Variants in LAMA5 observed in about 807,000 individuals in gnomAD.
The protein encoded by LAMA5 is laminin subunit alpha 5.
Under a neutral mutation model 433.4 loss-of-function variants are expected in LAMA5, and 260 were observed. That is an observed-to-expected ratio of 0.60 (90% CI 0.54 to 0.66). The LOEUF (loss-of-function observed/expected upper bound fraction) is 0.66. Ranked by LOEUF, LAMA5 falls within the 30% of genes least tolerant of loss-of-function variation. The pLI is 0.00. For synonymous variants in LAMA5, 2,620 were observed against 2,226.6 expected, an observed-to-expected ratio of 1.18 and a Z score of -4.97; for missense variants, 5,378 against 5,258.5, an observed-to-expected ratio of 1.02 and a Z score of -0.70.
In LAMA5 at chr20:62,317,142, G is replaced by C. The variant is rs1246767505; in HGVS notation, c.7512-119C>G. 3.9e-6 allele frequency: 5 copies of C among 1,284,478 alleles called. No individual in the cohort carries two copies. The African/African-American group carries it at 5.9e-5, about 15-fold the overall frequency. 79.6% of individuals were successfully genotyped at this position (1,284,478 alleles called of 1,614,324 possible). ...GCCTGCCCGCCAAGTCCCGCCTCCA[G>C]GTCTTTGCCCGTGCCTGTCGCCTGC... On this transcript the variant is annotated intron_variant, in intron 55 of 79. Coordinates refer to ENST00000252999, the MANE Select transcript of LAMA5 (RefSeq NM_005560.6).
intron 11 of LAMA5, chr20:62,342,329 G>T: frequency 2.7e-6 from 1 of 371,198 alleles, no homozygotes; most frequent in Non-Finnish European, 5.2e-6. Context: ...GTAGAAAATT[G>T]AATACAATAG....
intron 55 of LAMA5, 105 bp downstream of exon 55, chr20:62,317,240 C>A: frequency 1.5e-6 from 2 of 1,314,342 alleles, no homozygotes; most frequent in Non-Finnish European, 1.0e-6. Context: ...TCTTTGAGGA[C>A]AACGGCCTCA....
Position 62,333,151 on chromosome 20 carries a change from G to A in LAMA5, c.3221C>T (p.Pro1074Leu), listed in dbSNP as rs1310132817. The A allele has an allele frequency of 5.9e-6, 9 of 1,513,758 alleles. No individual in the cohort carries two copies. The highest frequency in any genetic ancestry group is 7.9e-6 in the Non-Finnish European group (9 of 1,133,658). 93.8% of individuals were successfully genotyped at this position (1,513,758 alleles called of 1,614,324 possible). A position where few individuals can be genotyped will look rare whatever the true frequency, so the allele number is the denominator to read the frequency against. Residue 1074 changes from proline (P) to leucine (L), a missense_variant, in exon 26 of 80, where the codon CCC becomes CTC. Coordinates refer to ENST00000252999, the MANE Select transcript of LAMA5 (RefSeq NM_005560.6). ...CGGGCTGAGCTGCTCCGTGGGGCAG[G>A]GCCGGGGCAGGCTGTTGTCCTGGCG... The part of the protein sequence containing the change: ...LCRQDNSLPR[P>L]CPTEQLSPSH...
At position 62,353,228 on chromosome 20, in the gene LAMA5, G is replaced by A. The variant is rs1356414306; in HGVS notation, c.474C>T (p.Leu158=). Residue 158 remains leucine (L), a synonymous_variant, in exon 3 of 80, where the codon CTC becomes CTT. Coordinates refer to ENST00000252999, the MANE Select transcript of LAMA5 (RefSeq NM_005560.6). The stretch of plus-strand genomic sequence containing the variant: ...GCCGGGGTGAGTTGGCAAACTTGAT[G>A]AGGACGTAGGCCACGTGGAAGACCT... ...LGQVFHVAYV[L]IKFANSPRPD... is the part of the protein sequence containing the mutation. The A allele has an allele frequency of 6.3e-7, 1 of 1,595,840 alleles. No individual in the cohort carries two copies. The highest frequency in any genetic ancestry group is 1.1e-5 in the South Asian group (1 of 88,106).
Position 62,310,323 on chromosome 20 carries a change from G to C in LAMA5, c.10601-12C>G, listed in dbSNP as rs560386755. 4 of 1,590,104 alleles carry C rather than the reference G, an allele frequency of 2.5e-6. No individual in the cohort carries two copies. Among genetic ancestry groups the C allele is most frequent in the Non-Finnish European group, 3.4e-6 (4 of 1,166,890 alleles). On this transcript the variant is annotated splice_polypyrimidine_tract_variant and intron_variant, in intron 76 of 79. Transcript: ENST00000252999. The stretch of plus-strand genomic sequence containing the variant: ...AGCTCCTGGGAGGTCTGCGGGGAGG[G>C]GTTGTGATGGAGAAGAAAGGGGGGG...
intron 32 of LAMA5, 43 bp downstream of exon 32, chr20:62,329,734 T>G: frequency 6.2e-7 from 1 of 1,607,898 alleles, no homozygotes; most frequent in Non-Finnish European, 8.5e-7. Flanking sequence ...ATGACAAGTA[T>G]AAGGACAGCT....
In LAMA5 at chr20:62,309,287, G is replaced by A. The variant is rs747052274; in HGVS notation, c.*49C>T. 8 of 1,574,228 alleles carry A rather than the reference G, an allele frequency of 5.1e-6. No homozygotes were observed. In the South Asian group the frequency reaches 7.9e-5, roughly 16 times the overall value. On this transcript the variant is annotated 3_prime_UTR_variant, in exon 80 of 80. Coordinates refer to ENST00000252999, the MANE Select transcript of LAMA5 (RefSeq NM_005560.6). Reference sequence around the variant, plus strand: ...ACCTATGAGGCGAGCACAAGGGGCGGTGTGAGGCAGCTGCAGGGGCCTGAC... The same window carrying A: ...ACCTATGAGGCGAGCACAAGGGGCGATGTGAGGCAGCTGCAGGGGCCTGAC...
rs772555060 is a variant in LAMA5 at position 62,336,691 on chromosome 20, G to A, written c.2217+43C>T. The A allele has an allele frequency of 3.9e-5, 63 of 1,606,966 alleles. 3 individuals are homozygous for A. The Middle Eastern group carries it at 9.9e-4, about 25-fold the overall frequency. On this transcript the variant is annotated intron_variant, in intron 17 of 79. Coordinates refer to ENST00000252999, the MANE Select transcript of LAMA5 (RefSeq NM_005560.6). ...GGACTCGGGACTTTTAGCTTGGCCT[G>A]GGTCCTCACCCATCTCCCACACACG...
rs149266561 is a variant in LAMA5, at chr20:62,324,566, C to T, written c.5530-12G>A. On this transcript the variant is annotated splice_polypyrimidine_tract_variant and intron_variant, in intron 41 of 79. Transcript: ENST00000252999. This position sits in a 1 kb window ranked among gnomAD's most constrained non-coding sequence, Gnocchi z 4.4. ...CCGGGGGCACATTCCTGAGGGTGTA[C>T]GGGGGCAGGTGGCATCAGCGATTGA... The T allele has an allele frequency of 2.2e-4, 351 of 1,589,810 alleles. 2 individuals are homozygous for T. In the East Asian group the frequency reaches 5.4e-3, roughly 25 times the overall value.
Position 62,316,740 on chromosome 20 carries a change from G to A in LAMA5, c.7687C>T (p.Gln2563Ter), listed in dbSNP as rs764161208. ...VVRQGLVDRA[Q>*]QLLANSTALE... ...GCAGTGCTGTTGGCCAGGAGCTGCT[G>A]GGCTCGGTCCACCAGGCCCTGCCGC... The change falls in exon 57 of 80, where the codon CAG becomes TAG. Residue 2563 changes from glutamine (Q) to a stop codon, truncating the protein, a stop_gained. Transcript: ENST00000252999. LOFTEE classifies it high-confidence loss of function. 4 of 1,608,932 alleles carry A rather than the reference G, an allele frequency of 2.5e-6. No homozygotes were observed. The highest frequency in any genetic ancestry group is 2.5e-6 in the Non-Finnish European group (3 of 1,177,914).
chr20:62,337,635 A>G lies in LAMA5; in HGVS notation c.2119T>C (p.Cys707Arg). ...TAGGCACCGGGCACACATGTGTCAC[A>G]CCGCAGCCCCGTCACACGGGGCCGG... ...SCRPRVTGLR[C>R]DTCVPGAYNF... is the part of the protein sequence containing the mutation. Residue 707 changes from cysteine (C) to arginine (R), a missense_variant, in exon 16 of 80, where the codon TGT (cysteine) becomes CGT (arginine). Physicochemically the swap from Cys to Arg is radical, Grantham distance 180. Coordinates refer to ENST00000252999, the MANE Select transcript of LAMA5 (RefSeq NM_005560.6). The G allele has an allele frequency of 3.1e-6, 5 of 1,612,126 alleles. No individual in the cohort carries two copies. The highest frequency in any genetic ancestry group is 4.2e-6 in the Non-Finnish European group (5 of 1,179,726).
At chr20:62,327,125 C>G (rs1979435760) in intron 38 of LAMA5, 108 bp downstream of exon 38, 1 of 1,196,584 alleles carries the variant, frequency 8.4e-7, no homozygotes, top group Non-Finnish European at 1.1e-6. Flanking sequence ...CCTCACGGAC[C>G]CCCATGGAGC....
intron 6 of LAMA5, 29 bp from the exon 7 acceptor site, chr20:62,347,057 G>A (rs1983508032): frequency 6.4e-7 from 1 of 1,561,412 alleles, no homozygotes; most frequent in Non-Finnish European, 8.8e-7. Flanking sequence ...GGGGGATCAG[G>A]CCCATCCTGG....
intron 2 of LAMA5, among the ~76,000 whole-genome samples, chr20:62,360,936 C>T (rs1361365379): frequency 6.6e-6 from 1 of 152,130 alleles, no homozygotes; most frequent in Non-Finnish European, 1.5e-5. Context: ...TCCCGGCTTC[C>T]CTGCCCCACC....
rs1265669908 is a variant in LAMA5 at position 62,310,691 on chromosome 20, C to T, written c.10420G>A (p.Ala3474Thr). 3.1e-6 allele frequency: 5 copies of T among 1,602,178 alleles called. No individual in the cohort carries two copies. In the African/African-American group the frequency reaches 5.3e-5, roughly 17 times the overall value. ...GGAAGTTTGGAGCTGTGGCTGCTGG[C>T]CGGGAGGCCGCCCACAAAGAGGGTG... Reference protein sequence around the residue: ...PHTLFVGGLPASSHSSKLPVT... With the variant: ...PHTLFVGGLPTSSHSSKLPVT... Residue 3474 changes from alanine to threonine, a missense_variant, in exon 75 of 80, where the codon GCC becomes ACC. By Grantham distance (58) the Ala-to-Thr change is moderately conservative. Transcript: ENST00000252999.
Position 62,317,408 on chromosome 20 carries a change from C to A in LAMA5, c.7448G>T (p.Arg2483Leu), listed in dbSNP as rs201943878. ...GTGGGCCTCGGCGGCCTCCACTAGACGCAGCTTGCTGCCCGCCGGGGAGAA... is the reference window on the plus strand; with the variant it reads ...GTGGGCCTCGGCGGCCTCCACTAGAAGCAGCTTGCTGCCCGCCGGGGAGAA... Reference protein sequence around the residue: ...QTFSPAGSKLRLVEAAEAHAQ... With the variant: ...QTFSPAGSKLLLVEAAEAHAQ... The change falls in exon 55 of 80, where the codon CGT becomes CTT. Residue 2483 changes from arginine (R) to leucine (L), a missense_variant. Transcript: ENST00000252999. The A allele has an allele frequency of 2.5e-6, 4 of 1,608,662 alleles. No individual in the cohort carries two copies. Among genetic ancestry groups the A allele is most frequent in the Middle Eastern group, 1.7e-4 (1 of 6,008 alleles).
At position 62,329,038 on chromosome 20, in the gene LAMA5, A is replaced by G; in HGVS notation, c.4253T>C (p.Leu1418Pro). 2 of 1,612,736 alleles carry G rather than the reference A, an allele frequency of 1.2e-6. No individual in the cohort carries two copies. Among genetic ancestry groups the G allele is most frequent in the East Asian group, 4.5e-5 (2 of 44,864 alleles). The change falls in exon 34 of 80, where the codon CTG becomes CCG. Residue 1418 changes from leucine to proline, a missense_variant. Coordinates refer to ENST00000252999, the MANE Select transcript of LAMA5 (RefSeq NM_005560.6). ...GGAAGCAGCAGCGTTTCGGCAGAAC[A>G]GGGATGAGCTGCTGGGGCTACATGG... ...GYHISPSSSSLFCRNAAASLS... is the reference protein window; with the variant it reads ...GYHISPSSSSPFCRNAAASLS...
In LAMA5 at chr20:62,334,169, G is replaced by C. The variant is rs768467968; in HGVS notation, c.2739+17C>G. On this transcript the variant is annotated intron_variant, in intron 22 of 79. Coordinates refer to ENST00000252999, the MANE Select transcript of LAMA5 (RefSeq NM_005560.6). ...CCACTTCTAGGCTGAGCCTGGGAGG[G>C]GGAGCACAGCGCCCACCTGGACAGG... 2 of 1,607,984 alleles carry C rather than the reference G, an allele frequency of 1.2e-6. No homozygotes were observed. The highest frequency in any genetic ancestry group is 8.5e-7 in the Non-Finnish European group (1 of 1,176,378).
chr20:62,366,357 GC>G (rs1986724824), intron 1 of LAMA5, among the ~76,000 whole-genome samples: 1 of 152,198 alleles, frequency 6.6e-6, no homozygotes. Context: ...GGAGACTGAA[GC>G]CCCCGGACCC....
Sources: gnomAD v4.1 joint callset for allele counts (sites outside exome capture counted in the v4.1 genomes callset) on GRCh38, gnomAD v4.1.1 for gene constraint, Gnocchi (gnomAD v3.1) non-coding constraint, MANE v1.5 for transcripts, NCBI Gene and HGNC (gene_info 2026-07-23, HGNC 2026-07-21) for gene names.